Variants in CPNE3 observed in about 807,000 individuals in gnomAD.
CPNE3 encodes copine 3, also known as copine-3.
CPNE3 carries 68 observed loss-of-function variants against 63.9 expected under a neutral mutation model. That is an observed-to-expected ratio of 1.06 (90% CI 0.87 to 1.30). The LOEUF (loss-of-function observed/expected upper bound fraction) is 1.30. Among genes scored for constraint, CPNE3 ranks in the 50% most tolerant of loss-of-function variants. The pLI is 0.00. For missense variants in CPNE3, 665 were observed against 578.1 expected (o/e 1.15, Z -1.54); for synonymous variants, 219 against 197.5 (o/e 1.11, Z -0.91).
At chr8:86,555,430 A>G (rs1462062333) in intron 15 of CPNE3, among the ~76,000 whole-genome samples, 1 of 152,220 alleles carries the variant, frequency 6.6e-6, no homozygotes, top group Non-Finnish European at 1.5e-5. Flanking sequence ...AAGTTAGGGG[A>G]AACTACCTCA....
At chr8:86,552,198 G>A (rs976375856) in intron 14 of CPNE3, among the ~76,000 whole-genome samples, 2 of 152,190 alleles carry the variant, frequency 1.3e-5, no homozygotes, top group African/African-American at 4.8e-5. Flanking sequence ...CTTTCTAACA[G>A]AAGAAAATGT....
intron 2 of CPNE3, among the ~76,000 whole-genome samples, chr8:86,518,823 A>G (rs971917590): frequency 2.6e-5 from 4 of 152,048 alleles, no homozygotes; most frequent in African/African-American, 9.7e-5. Flanking sequence ...CCCAGGTTGG[A>G]GTGCAGTGGC....
At position 86,528,684 on chromosome 8, in the gene CPNE3, T is replaced by C. The variant is rs1268517345; in HGVS notation, c.132+7T>C. 1.1e-5 allele frequency: 18 copies of C among 1,596,804 alleles called. No homozygotes were observed. The highest frequency in any genetic ancestry group is 1.8e-4 in the Middle Eastern group (1 of 5,618). ...TGGTCAACAGTGGTATGAGGTAATG[T>C]CAAATACTTTACCTAAAAAGTAATC... On this transcript the variant is annotated splice_region_variant and intron_variant, in intron 3 of 16. Transcript: ENST00000517490.
intron 12 of CPNE3, among the ~76,000 whole-genome samples, chr8:86,549,199 GA>G (rs1157703953): frequency 6.6e-6 from 1 of 152,078 alleles, no homozygotes; most frequent in Non-Finnish European, 1.5e-5. Flanking sequence ...AGCATTTAAA[GA>G]GGTGAAATTT....
At chr8:86,525,512 T>A (rs1385865326) in intron 2 of CPNE3, among the ~76,000 whole-genome samples, 1 of 152,226 alleles carries the variant, frequency 6.6e-6, no homozygotes, top group Non-Finnish European at 1.5e-5. Context: ...CAGAGAGGAA[T>A]GCTGCTAATA....
chr8:86,556,530 A>G (rs1330080402), intron 16 of CPNE3, among the ~76,000 whole-genome samples, 192 bp downstream of exon 16: 3 of 152,242 alleles, frequency 2.0e-5, no homozygotes. Context: ...TGCAGGCTAT[A>G]TGATAAATTG....
intron 6 of CPNE3, among the ~76,000 whole-genome samples, chr8:86,533,326 T>C (rs1360013555): frequency 2.0e-5 from 3 of 152,124 alleles, no homozygotes; most frequent in Admixed American, 6.6e-5. Context: ...GGAGATCACT[T>C]GAGCTCAGAA....
Position 86,558,724 on chromosome 8 carries a change from T to G in CPNE3, c.*314T>G. 3.6e-6 allele frequency: 1 copy of G among 280,990 alleles called. No individual in the cohort carries two copies. The highest frequency in any genetic ancestry group is 6.9e-6 in the Non-Finnish European group (1 of 144,442). The allele number at this position is 280,990 out of a possible 1,614,324, so 17.4% of individuals were successfully genotyped here. ...TTACTTTCATATGATGAAAATGCTG[T>G]GTTTAAGTGTTTGTCAATAGGAAGA... On this transcript the variant is annotated 3_prime_UTR_variant, in exon 17 of 17. Coordinates refer to ENST00000517490, the MANE Select transcript of CPNE3 (RefSeq NM_003909.5).
chr8:86,550,204 G>T (rs1821143507), intron 12 of CPNE3, among the ~76,000 whole-genome samples: 1 of 152,120 alleles, frequency 6.6e-6, no homozygotes, highest in Non-Finnish European at 1.5e-5. Context: ...TGAAAAGAAA[G>T]ATGCTTTAAA....
At chr8:86,556,001 G>A in intron 15 of CPNE3, 101 bp from the exon 16 acceptor site, 1 of 734,440 alleles carries the variant, frequency 1.4e-6, no homozygotes, top group Non-Finnish European at 2.5e-6. Context: ...GTAGAGACTG[G>A]CAAGGAAAAT....
intron 1 of CPNE3, chr8:86,514,771 AC>A (rs1247924764): frequency 6.6e-6 from 1 of 152,006 alleles, no homozygotes; most frequent in Non-Finnish European, 1.5e-5. Context: ...GGACCCAGGC[AC>A]CGCCGACGCC....
At chr8:86,541,474 C>G (rs1200580391) in intron 8 of CPNE3, among the ~76,000 whole-genome samples, 1 of 151,938 alleles carries the variant, frequency 6.6e-6, no homozygotes, top group South Asian at 2.1e-4. Flanking sequence ...GAGGCCGAGG[C>G]GGGCAAATTG....
chr8:86,530,745 G>A (rs908272858), intron 4 of CPNE3, among the ~76,000 whole-genome samples: 3 of 147,574 alleles, frequency 2.0e-5, no homozygotes, highest in African/African-American at 7.6e-5. Context: ...AGGCTGGAGT[G>A]CAACAGTGCG....
rs1821161721 is a variant in CPNE3 at position 86,551,031 on chromosome 8, T to C, written c.1014-15T>C. ...GGAAAAAACAGTATTTTATTAAATA[T>C]TTTTTTCTTTTTAGTGATAAGATGT... On this transcript the variant is annotated splice_polypyrimidine_tract_variant and intron_variant, in intron 12 of 16. Transcript: ENST00000517490. 3 of 1,552,278 alleles carry C rather than the reference T, an allele frequency of 1.9e-6. No individual in the cohort carries two copies. The highest frequency in any genetic ancestry group is 2.6e-6 in the Non-Finnish European group (3 of 1,149,864).
rs1220468729 is a variant in CPNE3, at chr8:86,561,396, A to G, written c.*2986A>G. On this transcript the variant is annotated 3_prime_UTR_variant, in exon 17 of 17. Transcript: ENST00000517490. ...TTACATTTGAATTCCTTTTGGATAA[A>G]GTTATTTCTTGATGTGACAGAGTAG... 2 of 152,206 alleles carry G rather than the reference A, an allele frequency of 1.3e-5. No homozygotes were observed. The highest frequency in any genetic ancestry group is 2.4e-5 in the African/African-American group (1 of 41,450). 9.4% of individuals were successfully genotyped at this position (152,206 alleles called of 1,614,324 possible).
At chr8:86,525,489 C>T (rs1241027574) in intron 2 of CPNE3, among the ~76,000 whole-genome samples, 1 of 152,150 alleles carries the variant, frequency 6.6e-6, no homozygotes, top group East Asian at 1.9e-4. Context: ...GAGACCAGCA[C>T]AGAGTCATTT....
rs1820608317 is a variant in CPNE3, at chr8:86,529,015, A to G, written c.203A>G (p.Tyr68Cys). Reference protein sequence around the residue: ...QFSKTFIIDYYFEVVQKLKFG... With the variant: ...QFSKTFIIDYCFEVVQKLKFG... ...TCCAAGACATTTATTATTGATTACT[A>G]CTTTGAAGTGGTTCAGAAATTGAAA... The change falls in exon 4 of 17, where the codon TAC becomes TGC. Residue 68 changes from tyrosine to cysteine, a missense_variant. Tyr to Cys is a radical substitution (Grantham distance 194). Transcript: ENST00000517490. 2 of 1,613,644 alleles carry G rather than the reference A, an allele frequency of 1.2e-6. No individual in the cohort carries two copies. The highest frequency in any genetic ancestry group is 2.2e-5 in the East Asian group (1 of 44,830).
chr8:86,541,774 C>A (rs1178871344), intron 8 of CPNE3, among the ~76,000 whole-genome samples: 1 of 149,372 alleles, frequency 6.7e-6, no homozygotes, highest in Admixed American at 6.7e-5. Flanking sequence ...TTGTAAAGAA[C>A]TTTAAAAATC....
In CPNE3 at chr8:86,551,212, C is replaced by G. The variant is rs1337572820; in HGVS notation, c.1098C>G (p.Asn366Lys). ...CACATGAATTTCCAATGAACTTCAA[C>G]CCATCCAATCCCTACTGCAATGGTA... Reference protein sequence around the residue: ...QVSHEFPMNFNPSNPYCNGIQ... With the variant: ...QVSHEFPMNFKPSNPYCNGIQ... The change falls in exon 14 of 17, where the codon AAC (asparagine) becomes AAG (lysine). Residue 366 changes from asparagine (N) to lysine (K), a missense_variant. Coordinates refer to ENST00000517490, the MANE Select transcript of CPNE3 (RefSeq NM_003909.5). The G allele has an allele frequency of 6.2e-7, 1 of 1,603,380 alleles. No homozygotes were observed. The highest frequency in any genetic ancestry group is 8.5e-7 in the Non-Finnish European group (1 of 1,170,430).
Sources: gnomAD v4.1 joint callset for allele counts (sites outside exome capture counted in the v4.1 genomes callset) on GRCh38, gnomAD v4.1.1 for gene constraint, MANE v1.5 for transcripts, NCBI Gene and HGNC (gene_info 2026-07-23, HGNC 2026-07-21) for gene names.